The following CNDP2 variants were observed in gnomAD, a reference collection of about 807,000 sequenced individuals.
The protein encoded by CNDP2 is cytosolic non-specific dipeptidase.
In CNDP2, 38 loss-of-function variants were observed where a neutral mutation model predicts 55.0. The ratio of observed to expected loss-of-function variants is 0.69; its 90% CI spans 0.53 to 0.90. CNDP2 has a LOEUF of 0.90. CNDP2 is among the 40% of genes least tolerant of loss of function. The pLI, the probability that CNDP2 is intolerant of heterozygous loss-of-function variation, is 0.00. For synonymous variants in CNDP2, 241 were observed against 260.2 expected (o/e 0.93, Z 0.71); for missense variants, 607 against 621.7 (o/e 0.98, Z 0.25).
Position 74,518,484 on chromosome 18 carries a change from C to T in CNDP2, c.1069-15C>T. On this transcript the variant is annotated splice_polypyrimidine_tract_variant and intron_variant, in intron 9 of 11. Coordinates refer to ENST00000324262, the MANE Select transcript of CNDP2 (RefSeq NM_018235.3). Reference sequence around the variant, plus strand: ...TTATAAAGCATTGTATACCTCTATTCTATTTGTGGTTTAGGTCACAAGCTA... The same window carrying T: ...TTATAAAGCATTGTATACCTCTATTTTATTTGTGGTTTAGGTCACAAGCTA... 6.2e-7 allele frequency: 1 copy of T among 1,614,050 alleles called. No homozygotes were observed. The highest frequency in any genetic ancestry group is 1.1e-5 in the South Asian group (1 of 91,072).
At chr18:74,515,835 C>G (rs1014848624) in intron 8 of CNDP2, among the ~76,000 whole-genome samples, 1 of 152,220 alleles carries the variant, frequency 6.6e-6, no homozygotes, top group Admixed American at 6.5e-5. Context: ...GGCCTGCACA[C>G]AGCCTGGGCT....
At position 74,522,444 on chromosome 18, in the gene CNDP2, A is replaced by C. The variant is rs1429263977; in HGVS notation, c.*2376A>C. On this transcript the variant is annotated 3_prime_UTR_variant, in exon 12 of 12. Transcript: ENST00000324262. The stretch of plus-strand genomic sequence containing the variant: ...CCGTTAGTCAGGAACCCATGCTGAG[A>C]GGTGCTATGCTTTGAATGTTTGGCT... 2 of 152,244 alleles carry C rather than the reference A, an allele frequency of 1.3e-5. No individual in the cohort carries two copies. Among genetic ancestry groups the C allele is most frequent in the Non-Finnish European group, 2.9e-5 (2 of 68,058 alleles). The allele number at this position is 152,244 out of a possible 1,614,324, so 9.4% of individuals were successfully genotyped here.
intron 2 of CNDP2, chr18:74,501,127 G>A: frequency 1.8e-6 from 2 of 1,140,650 alleles, no homozygotes; most frequent in Non-Finnish European, 2.2e-6. Flanking sequence ...CAATATGAGA[G>A]GGTCTCTCTC....
In CNDP2 at chr18:74,505,984, G is replaced by A. The variant is rs777440849; in HGVS notation, c.340G>A (p.Glu114Lys). Residue 114 changes from glutamate (E) to lysine (K), a missense_variant, in exon 4 of 12, where the codon GAG becomes AAG. Coordinates refer to ENST00000324262, the MANE Select transcript of CNDP2 (RefSeq NM_018235.3). ...PAALEDGWDS[E>K]PFTLVERDGK... ...AGCCCTGGAGGACGGCTGGGACAGC[G>A]AGCCCTTCACCCTGGTGGAGCGAGA... 2.6e-5 allele frequency: 41 copies of A among 1,603,234 alleles called. No individual in the cohort carries two copies. The highest frequency in any genetic ancestry group is 3.2e-5 in the Non-Finnish European group (38 of 1,176,612).
At chr18:74,500,741 C>CTGA (rs1408522026) in intron 2 of CNDP2, among the ~76,000 whole-genome samples, 1 of 152,230 alleles carries the variant, frequency 6.6e-6, no homozygotes, top group Non-Finnish European at 1.5e-5. Flanking sequence ...CAGCTGGGAG[C>CTGA]ATCGGCAAGC....
At chr18:74,509,213 C>T (rs1568279917) in intron 5 of CNDP2, 1 of 416,216 alleles carries the variant, frequency 2.4e-6, no homozygotes, top group Non-Finnish European at 4.4e-6. Context: ...TCAGTCCCTG[C>T]CTGTCTCTGT....
At chr18:74,516,415 G>C (rs770475951) in intron 9 of CNDP2, 23 bp downstream of exon 9, 2 of 1,592,178 alleles carry the variant, frequency 1.3e-6, no homozygotes, top group Non-Finnish European at 1.7e-6. Context: ...GGGACACGGG[G>C]TGGGGGCCAA....
chr18:74,519,767 G>A (rs879323027), intron 11 of CNDP2, among the ~76,000 whole-genome samples: 3 of 152,146 alleles, frequency 2.0e-5, no homozygotes, highest in Non-Finnish European at 4.4e-5. Context: ...GTTTACTACC[G>A]GGGCACTAGG....
chr18:74,510,447 A>G (rs890784396), intron 5 of CNDP2, among the ~76,000 whole-genome samples: 1 of 152,192 alleles, frequency 6.6e-6, no homozygotes, highest in Non-Finnish European at 1.5e-5. Context: ...GGAGCAGCGA[A>G]GGTCACACAG....
chr18:74,506,098 A>G, intron 4 of CNDP2, 87 bp downstream of exon 4: 1 of 1,187,940 alleles, frequency 8.4e-7, no homozygotes, highest in Admixed American at 3.2e-5. Context: ...TTTCCAGTAC[A>G]GACTGTTTTT....
In CNDP2 at chr18:74,511,782, A is replaced by G. The variant is rs1356042056; in HGVS notation, c.658-666A>G. On this transcript the variant is annotated intron_variant, in intron 6 of 11. Coordinates refer to ENST00000324262, the MANE Select transcript of CNDP2 (RefSeq NM_018235.3). ...CAGGCCTGGCTAGATTCTGCCACTCACTGGCTGGTGGTCATCTCCCAATAC... is the reference window on the plus strand; with the variant it reads ...CAGGCCTGGCTAGATTCTGCCACTCGCTGGCTGGTGGTCATCTCCCAATAC... Among the ~76,000 whole-genome samples, 5 of 151,890 alleles carry G rather than the reference A, an allele frequency of 3.3e-5. 1 individual carries two copies. The South Asian group carries it at 6.3e-4, about 19-fold the overall frequency.
rs1979477946 is a variant in CNDP2, at chr18:74,513,583, A to G, written c.767A>G (p.Asn256Ser). 1.9e-6 allele frequency: 3 copies of G among 1,613,444 alleles called. No homozygotes were observed. The highest frequency in any genetic ancestry group is 1.7e-5 in the Admixed American group (1 of 59,996). ...LMGSLVDKRG[N>S]ILIPGINEAV... ...GGCTCTTTGGTGGACAAGAGGGGGA[A>G]CATCCTGATCCCCGGCATTAACGAG... Residue 256 changes from asparagine to serine, a missense_variant, in exon 8 of 12, where the codon AAC becomes AGC. Asn to Ser is a conservative substitution (Grantham distance 46, BLOSUM62 1). Coordinates refer to ENST00000324262, the MANE Select transcript of CNDP2 (RefSeq NM_018235.3).
At chr18:74,501,692 G>A (rs1212655781) in intron 3 of CNDP2, among the ~76,000 whole-genome samples, 1 of 152,136 alleles carries the variant, frequency 6.6e-6, no homozygotes, top group African/African-American at 2.4e-5. Flanking sequence ...TCTCCAGGAA[G>A]GAGAACTGCT....
chr18:74,511,772 T>C (rs1010815960), intron 6 of CNDP2, among the ~76,000 whole-genome samples: 7 of 151,772 alleles, frequency 4.6e-5, no homozygotes, highest in African/African-American at 1.7e-4. Context: ...CTGGCTAGAT[T>C]CTGCCACTCA....
At chr18:74,501,673 C>T (rs1209353143) in intron 3 of CNDP2, among the ~76,000 whole-genome samples, 1 of 152,096 alleles carries the variant, frequency 6.6e-6, no homozygotes, top group African/African-American at 2.4e-5. Flanking sequence ...TTGTGGCACT[C>T]AGCATTTTTC....
intron 5 of CNDP2, 86 bp downstream of exon 5, chr18:74,509,014 A>C: frequency 9.0e-7 from 1 of 1,107,770 alleles, no homozygotes; most frequent in Non-Finnish European, 1.3e-6. Context: ...ACAACAGCTT[A>C]TAAAGCTCAC....
rs562974398 is a variant in CNDP2 at position 74,516,287 on chromosome 18, C to T, written c.963C>T (p.Gly321=). ...CTCTGTCCCTCCATGGCATCGAAGG[C>T]GCCTTCTCTGGGTCTGGGGCCAAGA... ...YPSLSLHGIE[G]AFSGSGAKTV... Residue 321 remains glycine, a synonymous_variant, in exon 9 of 12, where the codon GGC becomes GGT. Transcript: ENST00000324262. The T allele has an allele frequency of 3.1e-5, 50 of 1,614,124 alleles. No homozygotes were observed. Among genetic ancestry groups the T allele is most frequent in the South Asian group, 3.0e-4 (27 of 91,076 alleles).
chr18:74,506,127 T>G, intron 4 of CNDP2, 116 bp downstream of exon 4: 1 of 977,614 alleles, frequency 1.0e-6, no homozygotes, highest in Non-Finnish European at 1.3e-6. Flanking sequence ...TTATTTATTT[T>G]ATTACTTTTT....
At chr18:74,510,476 G>A (rs1325564558) in intron 5 of CNDP2, among the ~76,000 whole-genome samples, 3 of 152,218 alleles carry the variant, frequency 2.0e-5, no homozygotes, top group South Asian at 2.1e-4. Context: ...GCACCTCCTC[G>A]TGTCGGTGGC....
Sources: gnomAD v4.1 joint callset for allele counts (sites outside exome capture counted in the v4.1 genomes callset) on GRCh38, gnomAD v4.1.1 for gene constraint, MANE v1.5 for transcripts, NCBI Gene and HGNC (gene_info 2026-07-23, HGNC 2026-07-21) for gene names.